ST8SIA1: variants seen among roughly 807,000 people sequenced by gnomAD.
ST8SIA1 encodes the protein alpha-N-acetylneuraminide alpha-2,8-sialyltransferase.
In ST8SIA1, 16 loss-of-function variants were observed where a neutral mutation model predicts 35.9. That is an observed-to-expected ratio of 0.45 (90% CI 0.30 to 0.68). The LOEUF (loss-of-function observed/expected upper bound fraction) is 0.68. Among genes scored for constraint, ST8SIA1 ranks in the 30% least tolerant of loss-of-function variants. The pLI is 0.09. For missense variants in ST8SIA1, 383 were observed against 453.6 expected (o/e 0.84, Z 1.41); for synonymous variants, 170 against 169.6 (o/e 1.00, Z -0.02).
chr12:22,260,871 G>GCTGT (rs1555157907), intron 2 of ST8SIA1, among the ~76,000 whole-genome samples: 8 of 97,572 alleles, frequency 8.2e-5, no homozygotes, highest in Non-Finnish European at 1.1e-4. Context: ...TTATATAGTT[G>GCTGT]TTGTTTTTTT....
chr12:22,228,873 G>T (rs996161561), intron 4 of ST8SIA1, among the ~76,000 whole-genome samples: 8 of 152,026 alleles, frequency 5.3e-5, no homozygotes, highest in Admixed American at 2.6e-4. Context: ...GGCCAACATG[G>T]TGAAACCCCG....
chr12:22,254,317 T>G (rs1865705507), intron 3 of ST8SIA1, among the ~76,000 whole-genome samples: 1 of 152,092 alleles, frequency 6.6e-6, no homozygotes, highest in Non-Finnish European at 1.5e-5. Flanking sequence ...GACTTTAGCT[T>G]CTTCTTATTC....
At chr12:22,303,500 A>G (rs900882537) in intron 1 of ST8SIA1, among the ~76,000 whole-genome samples, 17 of 152,222 alleles carry the variant, frequency 1.1e-4, no homozygotes, top group Admixed American at 9.8e-4. Context: ...CCTGAGACCC[A>G]TTCCTAGGTA....
chr12:22,257,135 T>C (rs1035358619), intron 2 of ST8SIA1, among the ~76,000 whole-genome samples: 3 of 152,132 alleles, frequency 2.0e-5, no homozygotes, highest in Non-Finnish European at 4.4e-5. Flanking sequence ...GGTCAGATGG[T>C]GACACGAGCT....
intron 3 of ST8SIA1, among the ~76,000 whole-genome samples, chr12:22,249,863 T>A (rs1042127912): frequency 2.0e-5 from 3 of 152,184 alleles, no homozygotes; most frequent in Admixed American, 6.5e-5. Context: ...GGAATTAATA[T>A]ATTTTCTTGT....
intron 4 of ST8SIA1, among the ~76,000 whole-genome samples, chr12:22,215,728 C>T: frequency 6.6e-6 from 1 of 152,176 alleles, no homozygotes; most frequent in East Asian, 1.9e-4. Flanking sequence ...TATATTCTTC[C>T]CTTTTCTGTA....
intron 4 of ST8SIA1, among the ~76,000 whole-genome samples, chr12:22,202,657 G>T (rs1239376831): frequency 1.3e-5 from 2 of 152,164 alleles, no homozygotes; most frequent in Non-Finnish European, 2.9e-5. Flanking sequence ...TTCTAGTGCA[G>T]TTGTAGAAAC....
At chr12:22,298,774 T>TTGCTGTGTTCAC (rs1565590154) in intron 1 of ST8SIA1, among the ~76,000 whole-genome samples, 1 of 152,214 alleles carries the variant, frequency 6.6e-6, no homozygotes. Flanking sequence ...CCTCAACTTG[T>TTGCTGTGTTCAC]TGCTGTGTTC....
intron 4 of ST8SIA1, among the ~76,000 whole-genome samples, chr12:22,218,922 G>A (rs1865265870): frequency 6.6e-6 from 1 of 152,050 alleles, no homozygotes; most frequent in South Asian, 2.1e-4. Context: ...CTTTGTCAGA[G>A]CAGAAAGGGA....
intron 1 of ST8SIA1, among the ~76,000 whole-genome samples, chr12:22,308,826 C>A (rs12317347): frequency 0.056 from 8,504 of 152,190 alleles, 756 homozygotes; most frequent in African/African-American, 0.19. Flanking sequence ...GGCAGTCTCA[C>A]ATCCTACATA....
intron 4 of ST8SIA1, among the ~76,000 whole-genome samples, chr12:22,246,237 T>C (rs535779379): frequency 4.6e-5 from 7 of 152,180 alleles, no homozygotes; most frequent in Admixed American, 1.3e-4. Context: ...AGTGTTGGAA[T>C]TGAGTTGGAG....
At chr12:22,325,426 G>C (rs758568183) in intron 1 of ST8SIA1, 1 of 701,948 alleles carries the variant, frequency 1.4e-6, no homozygotes, top group Non-Finnish European at 2.6e-6. Context: ...AGCTCTTACG[G>C]TCTTGGCTGC....
intron 1 of ST8SIA1, among the ~76,000 whole-genome samples, chr12:22,300,342 G>C (rs1866303256): frequency 6.6e-6 from 1 of 152,066 alleles, no homozygotes; most frequent in Non-Finnish European, 1.5e-5. Flanking sequence ...AGAAGAGGTG[G>C]GTATGTGAGA....
chr12:22,327,749 C>T (rs71448645), intron 1 of ST8SIA1, among the ~76,000 whole-genome samples: 2 of 152,222 alleles, frequency 1.3e-5, no homozygotes, highest in Admixed American at 1.3e-4. Flanking sequence ...TAAAACGCCT[C>T]CCCTCTCCTG....
chr12:22,257,268 G>A (rs1053256565), intron 2 of ST8SIA1, among the ~76,000 whole-genome samples: 16 of 151,914 alleles, frequency 1.1e-4, no homozygotes, highest in African/African-American at 3.6e-4. Context: ...CTGGAGTACA[G>A]TGGCATGATC....
intron 1 of ST8SIA1, among the ~76,000 whole-genome samples, chr12:22,321,411 T>C (rs1866599126): frequency 6.6e-6 from 1 of 152,142 alleles, no homozygotes; most frequent in East Asian, 1.9e-4. Flanking sequence ...GGACTATGAA[T>C]ATTCCCCTCC....
At position 22,334,145 on chromosome 12, in the gene ST8SIA1, T is replaced by A. The variant is rs375784824; in HGVS notation, c.88A>T (p.Met30Leu). Reference sequence around the variant, plus strand: ...ACGACACAGAGGGCACTGGCTCCCATGGGCAGCCGGGTCCGCGGGAACTTC... The same window carrying A: ...ACGACACAGAGGGCACTGGCTCCCAAGGGCAGCCGGGTCCGCGGGAACTTC... Reference protein sequence around the residue: ...AWKFPRTRLPMGASALCVVVL... With the variant: ...AWKFPRTRLPLGASALCVVVL... The change falls in exon 1 of 5, where the codon ATG (methionine) becomes TTG (leucine). Residue 30 changes from methionine (M) to leucine (L), a missense_variant. Physicochemically the swap from Met to Leu is conservative, Grantham distance 15 (BLOSUM62 2). Transcript: ENST00000396037. 3 of 1,613,882 alleles carry A rather than the reference T, an allele frequency of 1.9e-6. No homozygotes were observed. In the African/African-American group the frequency reaches 4.0e-5, roughly 22 times the overall value.
chr12:22,202,119 G>A, intron 4 of ST8SIA1, 81 bp from the exon 5 acceptor site: 1 of 1,275,542 alleles, frequency 7.8e-7, no homozygotes, highest in South Asian at 1.5e-5. Context: ...TCTTCTGGTG[G>A]CCCTGATACC....
chr12:22,275,448 G>A (rs567609261), intron 2 of ST8SIA1, among the ~76,000 whole-genome samples: 17 of 152,052 alleles, frequency 1.1e-4, no homozygotes, highest in Non-Finnish European at 2.2e-4. Context: ...CCAGCTACTC[G>A]GAGGCTGAGG....
Sources: allele counts gnomAD v4.1 joint callset (sites outside exome capture counted in the v4.1 genomes callset), GRCh38; gene constraint gnomAD v4.1.1; transcripts MANE v1.5; gene names NCBI Gene and HGNC (gene_info 2026-07-23, HGNC 2026-07-21).